Variants in ACSM5 observed in about 807,000 individuals in gnomAD.
ACSM5 encodes acyl-coenzyme A synthetase ACSM5, mitochondrial.
A neutral mutation model predicts 71.6 loss-of-function variants in ACSM5; 56 were observed. The ratio of observed to expected loss-of-function variants is 0.78; its 90% CI spans 0.63 to 0.98. The LOEUF is 0.98. Among genes scored for constraint, ACSM5 ranks in the 50% least tolerant of loss-of-function variants. The pLI is 0.00. For synonymous variants in ACSM5, 285 were observed against 281.5 expected, an observed-to-expected ratio of 1.01 and a Z score of -0.12; for missense variants, 723 against 726.0, an observed-to-expected ratio of 1.00 and a Z score of 0.05.
At chr16:20,421,859 C>A (rs1966888275) in intron 5 of ACSM5, among the ~76,000 whole-genome samples, 1 of 151,378 alleles carries the variant, frequency 6.6e-6, no homozygotes, top group Non-Finnish European at 1.5e-5. Flanking sequence ...CAATAACACC[C>A]CATTACCCTC....
intron 7 of ACSM5, among the ~76,000 whole-genome samples, chr16:20,428,459 C>T (rs1967031699): frequency 6.6e-6 from 1 of 152,204 alleles, no homozygotes; most frequent in South Asian, 2.1e-4. Context: ...GCCAAAGCAA[C>T]ATCTTCTAGC....
In ACSM5 at chr16:20,429,800, C is replaced by T. The variant is rs140638652; in HGVS notation, c.1124C>T (p.Thr375Met). 7.8e-5 allele frequency: 125 copies of T among 1,612,308 alleles called. No individual in the cohort carries two copies. Among genetic ancestry groups the T allele is most frequent in the African/African-American group, 3.7e-4 (28 of 74,846 alleles). Reference sequence around the variant, plus strand: ...TACGAAGGCTATGGCCAGTCTGAAACGGTGAGTGCTGGAGGGGCCAGGTCC... The same window carrying T: ...TACGAAGGCTATGGCCAGTCTGAAATGGTGAGTGCTGGAGGGGCCAGGTCC... ...ELYEGYGQSE[T>M]VVICANPKGM... The change falls in exon 8 of 14, where the codon ACG becomes ATG. Residue 375 changes from threonine to methionine, a missense_variant and splice_region_variant. Transcript: ENST00000331849.
chr16:20,432,987 A>G (rs1466504461), intron 10 of ACSM5, among the ~76,000 whole-genome samples: 1 of 150,666 alleles, frequency 6.6e-6, no homozygotes, highest in Non-Finnish European at 1.5e-5. Flanking sequence ...TCTCCCAAGT[A>G]ACTGGGACTA....
chr16:20,430,967 C>G, intron 8 of ACSM5, 26 bp from the exon 9 acceptor site: 1 of 1,581,146 alleles, frequency 6.3e-7, no homozygotes, highest in African/African-American at 1.4e-5. Flanking sequence ...AAAGGCTCTT[C>G]TTTATCTGTA....
Position 20,431,184 on chromosome 16 carries a change from C to T in ACSM5, c.1207-36C>T, listed in dbSNP as rs1281354628. The T allele has an allele frequency of 3.1e-6, 5 of 1,599,222 alleles. No individual in the cohort carries two copies. In the African/African-American group the frequency reaches 4.0e-5, roughly 13 times the overall value. On this transcript the variant is annotated intron_variant, in intron 9 of 13. Transcript: ENST00000331849. Reference sequence around the variant, plus strand: ...CTGGGAGAGGCCCAGGGTGTAGACACTCACGTATGCACCTCTGTGATGATT... The same window carrying T: ...CTGGGAGAGGCCCAGGGTGTAGACATTCACGTATGCACCTCTGTGATGATT...
In ACSM5 at chr16:20,418,139, G is replaced by A; in HGVS notation, c.285G>A (p.Leu95=). Reference sequence around the variant, plus strand: ...AGATCAAGTGGAGCTTTGAGGAGCTGGGGAAGCAGTCCAGGAAGGCAGCCA... The same window carrying A: ...AGATCAAGTGGAGCTTTGAGGAGCTAGGGAAGCAGTCCAGGAAGGCAGCCA... ...GAEIKWSFEE[L]GKQSRKAANV... Residue 95 remains leucine (L), a synonymous_variant, in exon 3 of 14, where the codon CTG becomes CTA. Coordinates refer to ENST00000331849, the MANE Select transcript of ACSM5 (RefSeq NM_017888.3). 1.2e-6 allele frequency: 2 copies of A among 1,613,748 alleles called. No homozygotes were observed. The highest frequency in any genetic ancestry group is 1.3e-5 in the African/African-American group (1 of 75,016).
chr16:20,413,724 G>C (rs1402964834), intron 2 of ACSM5, among the ~76,000 whole-genome samples: 3 of 152,164 alleles, frequency 2.0e-5, no homozygotes, highest in Non-Finnish European at 4.4e-5. Flanking sequence ...GCTTAGAAAA[G>C]ATCTGAGGAA....
At chr16:20,413,093 T>C (rs543460600) in intron 2 of ACSM5, among the ~76,000 whole-genome samples, 2 of 152,100 alleles carry the variant, frequency 1.3e-5, no homozygotes, top group Admixed American at 6.5e-5. Flanking sequence ...CTACTTAGAG[T>C]AATAGTGAGA....
chr16:20,423,809 G>A (rs1031695285), intron 5 of ACSM5, 107 bp from the exon 6 acceptor site: 2 of 1,354,692 alleles, frequency 1.5e-6, no homozygotes, highest in African/African-American at 1.5e-5. Context: ...ACAAGTATAA[G>A]TGAGTACCCA....
At chr16:20,437,566 C>T (rs140986213) in intron 12 of ACSM5, among the ~76,000 whole-genome samples, 199 bp downstream of exon 12, 1 of 151,162 alleles carries the variant, frequency 6.6e-6, no homozygotes, top group African/African-American at 2.4e-5. Flanking sequence ...GGGAAAACAC[C>T]AACACTTTGC....
chr16:20,428,823 C>G (rs936963942), intron 7 of ACSM5, among the ~76,000 whole-genome samples: 34 of 152,266 alleles, frequency 2.2e-4, no homozygotes, highest in African/African-American at 7.5e-4. Flanking sequence ...TTGATCTCCC[C>G]TCTCCTCCAA....
rs147679037 is a variant in ACSM5 at position 20,435,235 on chromosome 16, G to C, written c.1309-1817G>C. Among the ~76,000 whole-genome samples the C allele has an allele frequency of 8.2e-4, 125 of 152,258 alleles. 2 individuals carry two copies. The South Asian group carries it at 0.012, about 15-fold the overall frequency. The stretch of plus-strand genomic sequence containing the variant: ...TTTAGTAGAGATGGGGTTTCTCCAT[G>C]TTGGCCAGGCTGGTCTTGAACTTCT... On this transcript the variant is annotated intron_variant, in intron 10 of 13. Transcript: ENST00000331849.
At chr16:20,428,260 G>A (rs1967028072) in intron 7 of ACSM5, among the ~76,000 whole-genome samples, 1 of 152,202 alleles carries the variant, frequency 6.6e-6, no homozygotes, top group Non-Finnish European at 1.5e-5. Context: ...TTGGAAAATT[G>A]TTAGCCACCT....
chr16:20,412,067 C>T (rs534438421), intron 2 of ACSM5: 27 of 250,654 alleles, frequency 1.1e-4, no homozygotes, highest in East Asian at 8.0e-4. Flanking sequence ...GAAAGAAGGC[C>T]GGGCGCGGTG....
In ACSM5 at chr16:20,420,884, G is replaced by A. The variant is rs576623937; in HGVS notation, c.624-374G>A. Among the ~76,000 whole-genome samples, 3 of 152,258 alleles carry A rather than the reference G, an allele frequency of 2.0e-5. No individual in the cohort carries two copies. In the East Asian group the frequency reaches 5.8e-4, roughly 29 times the overall value. On this transcript the variant is annotated intron_variant, in intron 4 of 13. Coordinates refer to ENST00000331849, the MANE Select transcript of ACSM5 (RefSeq NM_017888.3). ...CTAGATCTCAAAACCCCATATTGGG[G>A]GAAACCTTTAGAAAAGAGTTCTAAA...
intron 6 of ACSM5, among the ~76,000 whole-genome samples, chr16:20,427,425 C>T (rs1264392584): frequency 6.6e-6 from 1 of 152,262 alleles, no homozygotes; most frequent in African/African-American, 2.4e-5. Context: ...ATGGCTTGAG[C>T]ATACTCAAAA....
At chr16:20,424,502 A>G (rs1966939248) in intron 6 of ACSM5, among the ~76,000 whole-genome samples, 2 of 151,988 alleles carry the variant, frequency 1.3e-5, no homozygotes, top group African/African-American at 4.8e-5. Flanking sequence ...GGGAGGGAGG[A>G]GATTGGTGGC....
At position 20,431,323 on chromosome 16, in the gene ACSM5, T is replaced by C. The variant is rs752352364; in HGVS notation, c.1308+2T>C. The C allele has an allele frequency of 2.0e-5, 33 of 1,612,406 alleles. No homozygotes were observed. The Admixed American group carries it at 2.7e-4, about 13-fold the overall frequency. On this transcript the variant is annotated splice_donor_variant, in intron 10 of 13. Coordinates refer to ENST00000331849, the MANE Select transcript of ACSM5 (RefSeq NM_017888.3). LOFTEE classifies it high-confidence loss of function. The stretch of plus-strand genomic sequence containing the variant: ...TTCTGTTTCTTCAATTGCTATTTGG[T>C]AAGAGACGGGGAACAGCCGTTCTCA...
intron 7 of ACSM5, among the ~76,000 whole-genome samples, chr16:20,429,173 G>C (rs1393940921): frequency 6.6e-6 from 1 of 152,014 alleles, no homozygotes; most frequent in African/African-American, 2.4e-5. Flanking sequence ...ACCATACCCA[G>C]CTAATTTTTA....
Sources: gnomAD v4.1 joint callset for allele counts (sites outside exome capture counted in the v4.1 genomes callset) on GRCh38, gnomAD v4.1.1 for gene constraint, MANE v1.5 for transcripts, NCBI Gene and HGNC (gene_info 2026-07-23, HGNC 2026-07-21) for gene names.